The following IRAK1BP1 variants were observed in gnomAD, a reference collection of about 807,000 sequenced individuals.
IRAK1BP1 encodes interleukin-1 receptor-associated kinase 1-binding protein 1.
A neutral mutation model predicts 28.0 loss-of-function variants in IRAK1BP1; 24 were observed. The ratio of observed to expected loss-of-function variants is 0.86; its 90% CI spans 0.62 to 1.20. IRAK1BP1 has a LOEUF of 1.20. Among genes scored for constraint, IRAK1BP1 ranks in the 50% most tolerant of loss-of-function variants. The pLI, the probability that IRAK1BP1 is intolerant of heterozygous loss-of-function variation, is 0.00. For synonymous variants in IRAK1BP1, 131 were observed against 116.3 expected (o/e 1.13, Z -0.81); for missense variants, 336 against 316.7 (o/e 1.06, Z -0.46).
downstream of IRAK1BP1, among the ~76,000 whole-genome samples, chr6:78,947,117 A>G (rs1299422466): frequency 2.6e-5 from 4 of 152,190 alleles, no homozygotes; most frequent in Non-Finnish European, 4.4e-5. Context: ...GTCCGACTCT[A>G]AATTCAAATG....
chr6:78,907,479 C>T (rs1472533440), downstream of IRAK1BP1, among the ~76,000 whole-genome samples: 2 of 152,148 alleles, frequency 1.3e-5, no homozygotes, highest in Non-Finnish European at 2.9e-5. Context: ...GAAGCTTCTA[C>T]TGCAAGAAAA....
At chr6:78,876,801 C>T (rs1771018966) in intron 1 of IRAK1BP1, among the ~76,000 whole-genome samples, 1 of 152,110 alleles carries the variant, frequency 6.6e-6, no homozygotes, top group South Asian at 2.1e-4. Context: ...TTCCTCTTCC[C>T]CAGCTGTGAC....
chr6:78,903,478 G>A (rs111279758), downstream of IRAK1BP1, among the ~76,000 whole-genome samples: 9 of 152,044 alleles, frequency 5.9e-5, no homozygotes, highest in East Asian at 3.9e-4. Flanking sequence ...GCGACAGTGC[G>A]AGACTATTGC....
chr6:78,872,029 G>A (rs1770811993), intron 1 of IRAK1BP1: 1 of 657,762 alleles, frequency 1.5e-6, no homozygotes, highest in African/African-American at 1.8e-5. Context: ...CTCTCCCCCA[G>A]CCCCAGCAGC....
rs116544600 is a variant in IRAK1BP1, at chr6:78,871,148, G to A, written c.315+3257G>A. ...CTGGGCATCCAAGATCAAGGAGCCA[G>A]TAGATTTGGTATATAGTGAATGCTA... is the stretch of plus-strand genomic sequence containing the variant. On this transcript the variant is annotated intron_variant, in intron 1 of 3. Transcript: ENST00000369940. 777 of 459,498 alleles carry A rather than the reference G, an allele frequency of 1.7e-3. 5 individuals carry two copies. Among genetic ancestry groups the A allele is most frequent in the African/African-American group, 0.015 (693 of 46,836 alleles). The allele number at this position is 459,498 out of a possible 1,614,324, so 28.5% of individuals were successfully genotyped here.
chr6:78,930,126 C>T (rs1773004715), intron 4 of IRAK1BP1, among the ~76,000 whole-genome samples: 1 of 152,010 alleles, frequency 6.6e-6, no homozygotes, highest in South Asian at 2.1e-4. Flanking sequence ...CAGGGTTTCA[C>T]CATAATGCCC....
intron 2 of IRAK1BP1, among the ~76,000 whole-genome samples, chr6:78,897,271 A>G (rs1443179343): frequency 6.6e-6 from 1 of 151,526 alleles, no homozygotes; most frequent in Non-Finnish European, 1.5e-5. Flanking sequence ...AAAAAAAAAA[A>G]AAAAAAAGAC....
At chr6:78,971,310 TA>T in the IRAK1BP1 span, among the ~76,000 whole-genome samples, 3 of 152,262 alleles carry the variant, frequency 2.0e-5, no homozygotes, top group Admixed American at 2.0e-4. Flanking sequence ...CAAATCCTGG[TA>T]AGACAGCAGG....
chr6:78,922,259 G>A (rs906346761), intron 4 of IRAK1BP1, among the ~76,000 whole-genome samples: 104 of 152,252 alleles, frequency 6.8e-4, no homozygotes, highest in Non-Finnish European at 1.2e-3. Flanking sequence ...ACCATGGCAC[G>A]AGAACTACAT....
intron 1 of IRAK1BP1, among the ~76,000 whole-genome samples, chr6:78,882,499 C>G (rs912442791): frequency 1.3e-5 from 2 of 152,104 alleles, no homozygotes; most frequent in Non-Finnish European, 2.9e-5. Context: ...ATGTGGATAC[C>G]ATGTACTGCC....
chr6:78,888,013 T>TATTG (rs1334739170), intron 2 of IRAK1BP1, among the ~76,000 whole-genome samples: 16 of 74,904 alleles, frequency 2.1e-4, no homozygotes, highest in African/African-American at 7.4e-4. Context: ...CAATGAAATA[T>TATTG]TATTTAGCCT....
chr6:78,960,047 A>C, the IRAK1BP1 span, among the ~76,000 whole-genome samples: 1 of 152,142 alleles, frequency 6.6e-6, no homozygotes, highest in African/African-American at 2.4e-5. Context: ...AGCTACTGGG[A>C]GCTGTAGCTC....
chr6:78,978,164 T>A, the IRAK1BP1 span, among the ~76,000 whole-genome samples: 6 of 152,258 alleles, frequency 3.9e-5, no homozygotes, highest in East Asian at 1.2e-3. Flanking sequence ...TTTTTAAAGA[T>A]CTAATGAACT....
At chr6:78,903,183 G>T (rs965368008), downstream of IRAK1BP1, 4 of 807,292 alleles carry the variant, frequency 5.0e-6, no homozygotes, top group African/African-American at 3.4e-5. Flanking sequence ...GCTACATAGG[G>T]TTTAAACTTT....
Position 78,899,848 on chromosome 6 carries a change from T to C in IRAK1BP1, c.*1514T>C, listed in dbSNP as rs1772033456. Reference sequence around the variant, plus strand: ...ATATCAAAAATATTATTTCAGCATGTAATCAGTATTTTTTAAATTGAGATA... The same window carrying C: ...ATATCAAAAATATTATTTCAGCATGCAATCAGTATTTTTTAAATTGAGATA... On this transcript the variant is annotated 3_prime_UTR_variant, in exon 4 of 4. Transcript: ENST00000369940. The C allele has an allele frequency of 6.6e-6, 1 of 152,248 alleles. No homozygotes were observed. The highest frequency in any genetic ancestry group is 1.5e-5 in the Non-Finnish European group (1 of 68,042). The allele number at this position is 152,248 out of a possible 1,614,324, so 9.4% of individuals were successfully genotyped here.
intron 1 of IRAK1BP1, among the ~76,000 whole-genome samples, chr6:78,868,551 A>C (rs1188693024): frequency 6.6e-6 from 1 of 152,242 alleles, no homozygotes; most frequent in African/African-American, 2.4e-5. Flanking sequence ...CTTAACGGAG[A>C]TGTCCATGAG....
Position 78,897,842 on chromosome 6 carries a change from T to C in IRAK1BP1, c.395T>C (p.Phe132Ser). Residue 132 changes from phenylalanine (F) to serine (S), a missense_variant, in exon 3 of 4, where the codon TTT (phenylalanine) becomes TCT (serine). Physicochemically the swap from Phe to Ser is radical, Grantham distance 155. Coordinates refer to ENST00000369940, the MANE Select transcript of IRAK1BP1 (RefSeq NM_001010844.4). ...YHMEAEVCIT[F>S]TEFGKMQNIC... is the part of the protein sequence containing the mutation. ...TTTCATTTACAGGTCTGCATTACAT[T>C]TACTGAATTTGGAAAAATGCAAAAT... 1 of 1,612,908 alleles carries C rather than the reference T, an allele frequency of 6.2e-7. No individual in the cohort carries two copies. Among genetic ancestry groups the C allele is most frequent in the Non-Finnish European group, 8.5e-7 (1 of 1,179,244 alleles).
the IRAK1BP1 span, chr6:78,958,635 T>G: frequency 7.6e-7 from 1 of 1,322,532 alleles, no homozygotes; most frequent in Non-Finnish European, 1.1e-6. Context: ...TTTAACTTCC[T>G]TATATTTAGA....
chr6:78,902,577 C>T lies in IRAK1BP1; in HGVS notation c.*4243C>T, dbSNP rs1195413168. The T allele has an allele frequency of 6.5e-6, 1 of 154,942 alleles. No individual in the cohort carries two copies. The highest frequency in any genetic ancestry group is 1.4e-5 in the Non-Finnish European group (1 of 69,882). 9.6% of individuals were successfully genotyped at this position (154,942 alleles called of 1,614,324 possible). A position where few individuals can be genotyped will look rare whatever the true frequency, so the allele number is the denominator to read the frequency against. On this transcript the variant is annotated 3_prime_UTR_variant, in exon 4 of 4. Coordinates refer to ENST00000369940, the MANE Select transcript of IRAK1BP1 (RefSeq NM_001010844.4). ...CTTGAGGTCAGGAGTTCGAGACCAA[C>T]CTGGCCAATATATTGAAACCCTGTC...
Sources: allele counts gnomAD v4.1 joint callset (sites outside exome capture counted in the v4.1 genomes callset), GRCh38; gene constraint gnomAD v4.1.1; transcripts MANE v1.5; gene names NCBI Gene and HGNC (gene_info 2026-07-23, HGNC 2026-07-21).